The following PCDHA13 variants were observed in gnomAD, a reference collection of about 807,000 sequenced individuals.
PCDHA13 encodes protocadherin alpha-13.
PCDHA13 carries 54 observed loss-of-function variants against 64.8 expected under a neutral mutation model. The observed-to-expected ratio is 0.83, with a 90% CI of 0.67 to 1.04. PCDHA13 has a LOEUF of 1.04. Ranked by LOEUF, PCDHA13 falls within the 50% of genes least tolerant of loss-of-function variation. PCDHA13 has a pLI of 0.00. For missense variants in PCDHA13, 1,248 were observed against 1,254.3 expected, an observed-to-expected ratio of 0.99 and a Z score of 0.08; for synonymous variants, 587 against 564.4, an observed-to-expected ratio of 1.04 and a Z score of -0.57.
chr5:140,928,185 C>T (rs371901224), intron 1 of PCDHA13: 1 of 1,614,064 alleles, frequency 6.2e-7, no homozygotes, highest in Non-Finnish European at 8.5e-7. Flanking sequence ...GAAGGACAAT[C>T]ACTGTGTCAG....
intron 1 of PCDHA13, among the ~76,000 whole-genome samples, chr5:140,943,827 A>T (rs1474835023): frequency 2.0e-5 from 3 of 152,208 alleles, no homozygotes; most frequent in Non-Finnish European, 4.4e-5. Flanking sequence ...AAATGAGTTG[A>T]TTGAAGTTGT....
At chr5:140,970,953 G>A (rs975435719) in intron 1 of PCDHA13, among the ~76,000 whole-genome samples, 16 of 152,110 alleles carry the variant, frequency 1.1e-4, no homozygotes, top group South Asian at 4.1e-4. Flanking sequence ...AGAAACCATG[G>A]GAGGCAGATT....
chr5:141,002,399 T>C (rs1352771753), intron 3 of PCDHA13, among the ~76,000 whole-genome samples: 1 of 152,236 alleles, frequency 6.6e-6, no homozygotes, highest in African/African-American at 2.4e-5. Context: ...GGCATCTCTG[T>C]GCCTCCCAAA....
intron 1 of PCDHA13, chr5:140,926,825 G>GT (rs1175916332): frequency 1.3e-6 from 2 of 1,499,578 alleles, no homozygotes; most frequent in Non-Finnish European, 1.8e-6. Flanking sequence ...CTCTCCAGGA[G>GT]TCCGGAGCAT....
At chr5:140,987,007 A>T (rs2097221901) in intron 3 of PCDHA13, among the ~76,000 whole-genome samples, 1 of 152,144 alleles carries the variant, frequency 6.6e-6, no homozygotes, top group Non-Finnish European at 1.5e-5. Context: ...TGAGGTCATG[A>T]GTTCGAGACC....
intron 1 of PCDHA13, among the ~76,000 whole-genome samples, chr5:140,960,335 G>T (rs1362472967): frequency 1.3e-5 from 2 of 152,148 alleles, no homozygotes; most frequent in African/African-American, 4.8e-5. Context: ...AGAAGTACAT[G>T]AGGTGAGATA....
Position 140,882,137 on chromosome 5 carries a change from A to G in PCDHA13, c.-132A>G. On this transcript the variant is annotated 5_prime_UTR_variant, in exon 1 of 4. Coordinates refer to ENST00000289272, the MANE Select transcript of PCDHA13 (RefSeq NM_018904.3). ...CGCCGTTTCTTTCTTCCTGCAGAAA[A>G]TATAGCAGAAAGCGGAATACCTCTT... is the stretch of plus-strand genomic sequence containing the variant. 6.7e-7 allele frequency: 1 copy of G among 1,489,212 alleles called. No individual in the cohort carries two copies. The allele number at this position is 1,489,212 out of a possible 1,614,324, so 92.2% of individuals were successfully genotyped here. A position where few individuals can be genotyped will look rare whatever the true frequency, so the allele number is the denominator to read the frequency against.
intron 1 of PCDHA13, among the ~76,000 whole-genome samples, chr5:140,891,611 T>G (rs1457156522): frequency 6.6e-6 from 1 of 152,226 alleles, no homozygotes; most frequent in East Asian, 1.9e-4. Context: ...TTTCTACCTT[T>G]TATTTTAACA....
In PCDHA13 at chr5:140,883,118, C is replaced by G. The variant is rs370331206; in HGVS notation, c.850C>G (p.Pro284Ala). Reference protein sequence around the residue: ...NGDIVYSFRRPVWPAVVYAFT... With the variant: ...NGDIVYSFRRAVWPAVVYAFT... ...AGATATAGTTTACTCATTTAGAAGG[C>G]CTGTATGGCCTGCAGTGGTATATGC... Residue 284 changes from proline to alanine, a missense_variant, in exon 1 of 4, where the codon CCT becomes GCT. Pro to Ala is a conservative substitution (Grantham distance 27). Coordinates refer to ENST00000289272, the MANE Select transcript of PCDHA13 (RefSeq NM_018904.3). The G allele has an allele frequency of 8.7e-6, 14 of 1,613,882 alleles. No individual in the cohort carries two copies. Among genetic ancestry groups the G allele is most frequent in the Non-Finnish European group, 1.2e-5 (14 of 1,180,016 alleles).
chr5:140,899,402 G>A lies in PCDHA13; in HGVS notation c.2394+14740G>A, dbSNP rs1465071147. On this transcript the variant is annotated intron_variant, in intron 1 of 3. Transcript: ENST00000289272. ...TTTATTGAGAGTTTTTAGCATGAAG[G>A]GTTGTTGAATTTTGTCAAAGGTCTT... Among the ~76,000 whole-genome samples, 5 of 152,122 alleles carry A rather than the reference G, an allele frequency of 3.3e-5. No individual in the cohort carries two copies. The East Asian group carries it at 7.7e-4, about 24-fold the overall frequency.
intron 1 of PCDHA13, among the ~76,000 whole-genome samples, chr5:140,893,392 C>T (rs116952410): frequency 6.6e-6 from 1 of 152,112 alleles, no homozygotes; most frequent in African/African-American, 2.4e-5. Context: ...GTGGCTCATG[C>T]CTGTAATCCC....
intron 1 of PCDHA13, among the ~76,000 whole-genome samples, chr5:140,956,551 C>G (rs995941205): frequency 1.3e-5 from 2 of 152,148 alleles, no homozygotes; most frequent in Non-Finnish European, 2.9e-5. Flanking sequence ...ATTTGGTTTG[C>G]CAGTATCTTA....
In PCDHA13 at chr5:140,963,375, C is replaced by A. The variant is rs1425392684; in HGVS notation, c.2395-15574C>A. On this transcript the variant is annotated intron_variant, in intron 1 of 3. Transcript: ENST00000289272. ...CTTTTCAAAGAACATTAATTGAGCA[C>A]CTCTGTGCCAAGCTCCCTACTGGAT... is the stretch of plus-strand genomic sequence containing the variant. Among the ~76,000 whole-genome samples, 15 of 152,176 alleles carry A rather than the reference C, an allele frequency of 9.9e-5. 1 individual carries two copies. The highest frequency in any genetic ancestry group is 5.2e-4 in the Admixed American group (8 of 15,290).
chr5:140,906,965 G>T (rs1273243518), intron 1 of PCDHA13, among the ~76,000 whole-genome samples: 1 of 152,124 alleles, frequency 6.6e-6, no homozygotes, highest in Non-Finnish European at 1.5e-5. Flanking sequence ...ATGGAATCGT[G>T]GTTGTGTCTT....
intron 1 of PCDHA13, among the ~76,000 whole-genome samples, chr5:140,915,168 C>T (rs181934284): frequency 6.0e-4 from 92 of 152,112 alleles, no homozygotes; most frequent in Middle Eastern, 3.4e-3. Context: ...AGGATAGTCT[C>T]GATCTCTTGA....
chr5:140,921,511 C>T (rs1163280621), intron 1 of PCDHA13, among the ~76,000 whole-genome samples: 1 of 152,062 alleles, frequency 6.6e-6, no homozygotes, highest in Non-Finnish European at 1.5e-5. Context: ...TAGTGCCTAA[C>T]CTGAAATAAA....
At chr5:140,913,969 AT>A (rs1304513966) in intron 1 of PCDHA13, among the ~76,000 whole-genome samples, 3 of 152,098 alleles carry the variant, frequency 2.0e-5, no homozygotes, top group Admixed American at 2.0e-4. Context: ...TTAAAAAAAT[AT>A]TTTAGGACTT....
At chr5:140,956,381 G>T (rs1380347643) in intron 1 of PCDHA13, among the ~76,000 whole-genome samples, 2 of 152,090 alleles carry the variant, frequency 1.3e-5, no homozygotes, top group African/African-American at 4.8e-5. Context: ...TTTTATCGAA[G>T]GCCTTTTCTG....
chr5:140,949,852 T>C (rs1311994394), intron 1 of PCDHA13, among the ~76,000 whole-genome samples: 1 of 151,956 alleles, frequency 6.6e-6, no homozygotes. Context: ...TGTTTCCGCT[T>C]ATCTGTTGTC....
Sources: allele counts gnomAD v4.1 joint callset (sites outside exome capture counted in the v4.1 genomes callset), GRCh38; gene constraint gnomAD v4.1.1; transcripts MANE v1.5; gene names NCBI Gene and HGNC (gene_info 2026-07-23, HGNC 2026-07-21).